Variants in NCAM2 observed in about 807,000 individuals in gnomAD.
The protein encoded by NCAM2 is neural cell adhesion molecule 2, also known as N-CAM-2.
In NCAM2, 30 loss-of-function variants were observed where a neutral mutation model predicts 98.1. The observed-to-expected ratio is 0.31, with a 90% confidence interval of 0.23 to 0.41. The LOEUF (loss-of-function observed/expected upper bound fraction) is 0.41. NCAM2 is among the 10% of genes least tolerant of loss of function. The pLI is 1.00. For missense variants in NCAM2, 867 were observed against 1,005.8 expected (o/e 0.86, Z 1.87); for synonymous variants, 368 against 342.4 (o/e 1.07, Z -0.83).
chr21:21,002,898 G>A (rs971098252), intron 1 of NCAM2, among the ~76,000 whole-genome samples: 5 of 152,040 alleles, frequency 3.3e-5, no homozygotes, highest in Admixed American at 2.6e-4. Context: ...CTATTTAAAA[G>A]ATTATAAATT....
chr21:21,459,832 A>G (rs1439647057), intron 12 of NCAM2, among the ~76,000 whole-genome samples: 4 of 151,808 alleles, frequency 2.6e-5, no homozygotes, highest in Admixed American at 6.6e-5. Flanking sequence ...TATAATTAAT[A>G]ATGCCATATT....
chr21:21,482,476 A>C (rs1985978038), intron 15 of NCAM2, among the ~76,000 whole-genome samples: 1 of 151,998 alleles, frequency 6.6e-6, no homozygotes, highest in South Asian at 2.1e-4. Flanking sequence ...GTTTTAATTT[A>C]TTTTTATATT....
intron 11 of NCAM2, among the ~76,000 whole-genome samples, chr21:21,422,655 A>C (rs1449078678): frequency 6.6e-6 from 1 of 151,872 alleles, no homozygotes; most frequent in Admixed American, 6.6e-5. Context: ...AATATGAAAT[A>C]TTTCACATAT....
intron 14 of NCAM2, among the ~76,000 whole-genome samples, chr21:21,475,366 G>A (rs1985032369): frequency 6.6e-6 from 1 of 152,012 alleles, no homozygotes; most frequent in African/African-American, 2.4e-5. Context: ...CTTCTGGGCT[G>A]GTTTGCAAAC....
chr21:21,109,318 C>T (rs1051385529), intron 1 of NCAM2, among the ~76,000 whole-genome samples: 3 of 151,984 alleles, frequency 2.0e-5, no homozygotes, highest in Admixed American at 1.3e-4. Context: ...GTTTTATATG[C>T]ACATCTTATA....
At chr21:21,392,473 G>C (rs1204172930) in intron 9 of NCAM2, among the ~76,000 whole-genome samples, 1 of 152,172 alleles carries the variant, frequency 6.6e-6, no homozygotes, top group Non-Finnish European at 1.5e-5. Context: ...ACCCAGTAAT[G>C]GGATTGCTGA....
intron 1 of NCAM2, among the ~76,000 whole-genome samples, chr21:21,212,151 A>C (rs2069681265): frequency 6.6e-6 from 1 of 152,232 alleles, no homozygotes; most frequent in Non-Finnish European, 1.5e-5. Context: ...AACCGGAATC[A>C]ACCCATATGT....
At chr21:21,294,463 T>C (rs2073404757) in intron 5 of NCAM2, among the ~76,000 whole-genome samples, 1 of 151,860 alleles carries the variant, frequency 6.6e-6, no homozygotes, top group South Asian at 2.1e-4. Flanking sequence ...CAAAAGTAAA[T>C]TCTTCTCCTC....
chr21:21,096,087 C>G (rs1269707179), intron 1 of NCAM2, among the ~76,000 whole-genome samples: 1 of 151,592 alleles, frequency 6.6e-6, no homozygotes, highest in African/African-American at 2.4e-5. Flanking sequence ...TTGTCTTTGT[C>G]TTTCAGAAAA....
chr21:21,376,118 A>G (rs536542911), intron 9 of NCAM2, among the ~76,000 whole-genome samples: 12 of 151,576 alleles, frequency 7.9e-5, no homozygotes, highest in Admixed American at 7.2e-4. Context: ...GTTATAAGAT[A>G]AGAGGGTTTA....
chr21:21,180,040 G>A (rs973178689), intron 1 of NCAM2, among the ~76,000 whole-genome samples: 1 of 152,242 alleles, frequency 6.6e-6, no homozygotes, highest in South Asian at 2.1e-4. Flanking sequence ...CTTGCCATCT[G>A]GGAGATCAGC....
chr21:21,492,420 C>G (rs1292518341), intron 15 of NCAM2, among the ~76,000 whole-genome samples: 1 of 151,838 alleles, frequency 6.6e-6, no homozygotes, highest in Non-Finnish European at 1.5e-5. Context: ...CACAGTATTT[C>G]TATTAGTCAG....
At chr21:21,517,597 C>G (rs1246178627) in intron 16 of NCAM2, among the ~76,000 whole-genome samples, 1 of 152,128 alleles carries the variant, frequency 6.6e-6, no homozygotes, top group Non-Finnish European at 1.5e-5. Flanking sequence ...GTGGCTCACC[C>G]CCGTAATCCC....
At chr21:21,224,689 C>G (rs1209040485) in intron 1 of NCAM2, among the ~76,000 whole-genome samples, 1 of 152,000 alleles carries the variant, frequency 6.6e-6, no homozygotes, top group Admixed American at 6.6e-5. Flanking sequence ...ATATGATTAG[C>G]AGACAAAGAC....
At chr21:21,249,009 G>T (rs1226834120) in intron 1 of NCAM2, among the ~76,000 whole-genome samples, 1 of 151,990 alleles carries the variant, frequency 6.6e-6, no homozygotes, top group Non-Finnish European at 1.5e-5. Flanking sequence ...TTGAAGGTCA[G>T]ATAATGCTAA....
At chr21:21,268,535 CAT>C (rs1283145072) in intron 1 of NCAM2, among the ~76,000 whole-genome samples, 1 of 152,162 alleles carries the variant, frequency 6.6e-6, no homozygotes, top group African/African-American at 2.4e-5. Context: ...CACACACACA[CAT>C]ATAGCCCCAG....
chr21:21,492,069 C>G (rs1161146067), intron 15 of NCAM2, among the ~76,000 whole-genome samples: 1 of 151,296 alleles, frequency 6.6e-6, no homozygotes, highest in Non-Finnish European at 1.5e-5. Flanking sequence ...TTCTACTATT[C>G]TGGGCCATTG....
chr21:21,234,335 A>G (rs1483793496), intron 1 of NCAM2, among the ~76,000 whole-genome samples: 1 of 151,954 alleles, frequency 6.6e-6, no homozygotes, highest in African/African-American at 2.4e-5. Context: ...CAATGCTAGG[A>G]AATATACAAG....
At chr21:21,457,553 T>A (rs138905457) in intron 12 of NCAM2, among the ~76,000 whole-genome samples, 1 of 151,888 alleles carries the variant, frequency 6.6e-6, no homozygotes, top group African/African-American at 2.4e-5. Context: ...GGCAAGATAA[T>A]TGCTTGAACC....
Sources: allele counts gnomAD v4.1 joint callset (sites outside exome capture counted in the v4.1 genomes callset), GRCh38; gene constraint gnomAD v4.1.1; transcripts MANE v1.5; gene names NCBI Gene and HGNC (gene_info 2026-07-23, HGNC 2026-07-21).